The following TLN2 variants were observed in gnomAD, a reference collection of about 807,000 sequenced individuals.
TLN2 encodes the protein talin-2.
In TLN2, 118 loss-of-function variants were observed where a neutral mutation model predicts 294.7. That is an observed-to-expected ratio of 0.40 (90% confidence interval 0.34 to 0.47). The LOEUF is 0.47. Among genes scored for constraint, TLN2 ranks in the 20% least tolerant of loss-of-function variants. TLN2 has a pLI of 0.84. For synonymous variants in TLN2, 1,431 were observed against 1,304.5 expected, an observed-to-expected ratio of 1.10 and a Z score of -2.09; for missense variants, 3,083 against 3,282.2, an observed-to-expected ratio of 0.94 and a Z score of 1.48.
chr15:62,438,043 C>G (rs2035378963), intron 1 of TLN2, among the ~76,000 whole-genome samples: 1 of 152,088 alleles, frequency 6.6e-6, no homozygotes, highest in Non-Finnish European at 1.5e-5. Flanking sequence ...CTGGGGAAGG[C>G]AAGTGTTAGA....
At chr15:62,748,289 CA>C (rs1336628024) in intron 32 of TLN2, 61 bp from the exon 33 acceptor site, 5 of 1,245,280 alleles carry the variant, frequency 4.0e-6, no homozygotes, top group Non-Finnish European at 5.8e-6. Context: ...GCCTGCAAAG[CA>C]TTGTAGGGGA....
chr15:62,701,521 G>A (rs1346022872), intron 17 of TLN2, among the ~76,000 whole-genome samples: 4 of 152,136 alleles, frequency 2.6e-5, no homozygotes, highest in African/African-American at 9.7e-5. Context: ...TCTGCCTTCT[G>A]GGCACCTACA....
At chr15:62,683,326 G>C (rs1419905690) in intron 11 of TLN2, among the ~76,000 whole-genome samples, 1 of 152,254 alleles carries the variant, frequency 6.6e-6, no homozygotes, top group African/African-American at 2.4e-5. Flanking sequence ...CTTGATCACA[G>C]CTGGCTGCCA....
At chr15:62,573,961 T>C (rs1435068) in intron 1 of TLN2, among the ~76,000 whole-genome samples, 38,736 of 151,816 alleles carry the variant, frequency 0.26, 5,300 homozygotes, top group East Asian at 0.47. Flanking sequence ...GCACATGCCT[T>C]CAACTTTGAG....
chr15:62,640,428 T>G (rs1466261460), intron 3 of TLN2: 1 of 448,054 alleles, frequency 2.2e-6, no homozygotes, highest in East Asian at 7.0e-5. Flanking sequence ...ACGGCCCCAT[T>G]GAGGTATGGT....
At chr15:62,679,302 T>C (rs1012995485) in intron 11 of TLN2, among the ~76,000 whole-genome samples, 12 of 152,170 alleles carry the variant, frequency 7.9e-5, no homozygotes, top group Non-Finnish European at 1.6e-4. Context: ...TGAAAGTGTA[T>C]ATCCACATAA....
intron 30 of TLN2, among the ~76,000 whole-genome samples, chr15:62,738,895 G>C (rs537929455): frequency 6.6e-6 from 1 of 152,178 alleles, no homozygotes; most frequent in Non-Finnish European, 1.5e-5. Context: ...ATTAGCAAAG[G>C]CCACTAATAT....
rs796520583 is a variant in TLN2, at chr15:62,544,124, G to A, written c.-237-45563G>A. ...AATAATCATTTGTGTTCTTAGAGTG[G>A]CGAATCTCCATTTGAGCCTGCTCTT... On this transcript the variant is annotated intron_variant, in intron 1 of 58. Coordinates refer to ENST00000636159, the MANE Select transcript of TLN2 (RefSeq NM_015059.3). 6.6e-5 allele frequency among the ~76,000 whole-genome samples: 10 copies of A among 152,236 alleles called. 1 individual carries two copies. The highest frequency in any genetic ancestry group is 2.4e-4 in the African/African-American group (10 of 41,522).
At chr15:62,504,701 A>G (rs951911908) in intron 1 of TLN2, among the ~76,000 whole-genome samples, 1 of 152,182 alleles carries the variant, frequency 6.6e-6, no homozygotes, top group African/African-American at 2.4e-5. Context: ...ACTTTAAGTA[A>G]AACTTCCAGT....
chr15:62,465,374 G>A lies in TLN2; in HGVS notation c.-238+74689G>A, dbSNP rs139105231. Among the ~76,000 whole-genome samples the A allele has an allele frequency of 1.2e-4, 18 of 152,166 alleles. No individual in the cohort carries two copies. The East Asian group carries it at 1.5e-3, about 13-fold the overall frequency. ...CGGCTGGGGAAGTGGTTCTGTCTCC[G>A]ACTCTTTCAGAGAACGAGTGTGATG... On this transcript the variant is annotated intron_variant, in intron 1 of 58. Coordinates refer to ENST00000636159, the MANE Select transcript of TLN2 (RefSeq NM_015059.3).
chr15:62,833,730 A>T, intron 55 of TLN2, 101 bp downstream of exon 55: 2 of 1,486,718 alleles, frequency 1.3e-6, no homozygotes, highest in South Asian at 2.7e-5. Context: ...AAGGAAACAC[A>T]TGCAGTGCCT....
rs1567714830 is a variant in TLN2, at chr15:62,835,931, CG to C, written c.7234del (p.Ala2412ProfsTer34). 4 of 1,614,198 alleles carry C rather than the reference CG, an allele frequency of 2.5e-6. No individual in the cohort carries two copies. Among genetic ancestry groups the C allele is most frequent in the Non-Finnish European group, 3.4e-6 (4 of 1,180,034 alleles). On this transcript the variant is annotated frameshift_variant, in exon 57 of 59. Transcript: ENST00000636159. LOFTEE classifies it high-confidence loss of function. ...VAAATSSLCE[A>X]ANASVQGHAS... ...GCTGCGACCAGCAGTCTCTGTGAGG[CG>C]GCCAATGCCTCCGTTCAGGGACACG...
At chr15:62,793,931 A>G (rs1435546763) in intron 46 of TLN2, among the ~76,000 whole-genome samples, 1 of 151,850 alleles carries the variant, frequency 6.6e-6, no homozygotes, top group Non-Finnish European at 1.5e-5. Flanking sequence ...GCCAAGCTAC[A>G]GTCTGGCCTT....
chr15:62,609,554 G>A (rs2047738057), intron 2 of TLN2, among the ~76,000 whole-genome samples: 3 of 152,184 alleles, frequency 2.0e-5, no homozygotes, highest in African/African-American at 7.2e-5. Context: ...CAGTTATTTT[G>A]TAGAGTATCC....
intron 1 of TLN2, among the ~76,000 whole-genome samples, chr15:62,502,024 C>G (rs562329972): frequency 6.6e-6 from 1 of 152,282 alleles, no homozygotes; most frequent in South Asian, 2.1e-4. Flanking sequence ...CTTCCTCGCT[C>G]TCTTTGTCCT....
chr15:62,536,752 T>G (rs1006372141), intron 1 of TLN2, among the ~76,000 whole-genome samples: 1 of 152,342 alleles, frequency 6.6e-6, no homozygotes, highest in African/African-American at 2.4e-5. Context: ...GAATAGGTGC[T>G]CTAATGGTAA....
chr15:62,651,528 C>G (rs1171610393), intron 5 of TLN2, among the ~76,000 whole-genome samples: 2 of 152,138 alleles, frequency 1.3e-5, no homozygotes, highest in African/African-American at 4.8e-5. Context: ...AGAAACCAGA[C>G]TTCACAAGTT....
intron 26 of TLN2, among the ~76,000 whole-genome samples, chr15:62,724,440 C>T (rs1367903727): frequency 2.0e-5 from 3 of 152,100 alleles, no homozygotes; most frequent in Non-Finnish European, 4.4e-5. Context: ...CAGTGTTATA[C>T]GTGACCAAGA....
chr15:62,396,347 C>T (rs2032544078), intron 1 of TLN2, among the ~76,000 whole-genome samples: 1 of 152,204 alleles, frequency 6.6e-6, no homozygotes, highest in Non-Finnish European at 1.5e-5. Context: ...GGATAAGAAA[C>T]TCACCAGCAA....
Sources: allele counts gnomAD v4.1 joint callset (sites outside exome capture counted in the v4.1 genomes callset), GRCh38; gene constraint gnomAD v4.1.1; transcripts MANE v1.5; gene names NCBI Gene and HGNC (gene_info 2026-07-23, HGNC 2026-07-21).